FHIT: variants seen among roughly 807,000 people sequenced by gnomAD.
The protein encoded by FHIT is fragile histidine triad diadenosine triphosphatase.
A neutral mutation model predicts 17.9 loss-of-function variants in FHIT; 19 were observed. The observed-to-expected ratio is 1.06, with a 90% CI of 0.74 to 1.56. The LOEUF is 1.56. Among genes scored for constraint, FHIT ranks in the 40% most tolerant of loss-of-function variants. The probability of loss-of-function intolerance (pLI) is 0.00; values close to 1 mark genes in which losing one functional copy is unlikely to be tolerated. For missense variants in FHIT, 248 were observed against 189.2 expected (o/e 1.31, Z -1.82); for synonymous variants, 81 against 69.7 (o/e 1.16, Z -0.81).
intron 3 of FHIT, among the ~76,000 whole-genome samples, chr3:61,026,229 A>G (rs1186260732): frequency 1.3e-5 from 2 of 151,974 alleles, no homozygotes; most frequent in African/African-American, 2.4e-5. Context: ...TCAGCTTTGT[A>G]CTCTCTGTCT....
intron 4 of FHIT, among the ~76,000 whole-genome samples, chr3:60,770,440 T>G (rs946335663): frequency 1.1e-4 from 17 of 152,124 alleles, no homozygotes; most frequent in African/African-American, 3.9e-4. Context: ...ACTCATATCC[T>G]TTGCAGCTAA....
intron 3 of FHIT, among the ~76,000 whole-genome samples, chr3:61,039,104 G>A (rs1322560751): frequency 6.6e-6 from 1 of 152,068 alleles, no homozygotes; most frequent in East Asian, 1.9e-4. Context: ...GATTATATGA[G>A]GAAATAGCAA....
intron 2 of FHIT, among the ~76,000 whole-genome samples, chr3:61,088,201 C>T (rs765291160): frequency 2.6e-5 from 4 of 152,042 alleles, no homozygotes; most frequent in Non-Finnish European, 5.9e-5. Flanking sequence ...GGGGACACTG[C>T]CCAGAAAAGA....
At chr3:61,194,272 C>G (rs2107220210) in intron 2 of FHIT, among the ~76,000 whole-genome samples, 1 of 152,192 alleles carries the variant, frequency 6.6e-6, no homozygotes, top group Admixed American at 6.5e-5. Context: ...GTTTATACGA[C>G]TTGCTTAAGG....
At position 60,014,131 on chromosome 3, in the gene FHIT, C is replaced by T. The variant is rs773769186; in HGVS notation, c.125G>A (p.Arg42Gln). The T allele has an allele frequency of 2.0e-5, 32 of 1,613,888 alleles. No homozygotes were observed. The highest frequency in any genetic ancestry group is 1.6e-4 in the Middle Eastern group (1 of 6,082). ...CAGGTCATGGAAGCGCTCCACTGGC[C>T]GCAGCGGGCACACAAGGACATCTGT... Reference protein sequence around the residue: ...VPGHVLVCPLRPVERFHDLRP... With the variant: ...VPGHVLVCPLQPVERFHDLRP... Residue 42 changes from arginine (R) to glutamine (Q), a missense_variant, in exon 6 of 10, where the codon CGG becomes CAG. By Grantham distance (43) the Arg-to-Gln change is conservative (BLOSUM62 1). Coordinates refer to ENST00000492590, the MANE Select transcript of FHIT (RefSeq NM_002012.4).
At chr3:60,656,846 G>C (rs189342044) in intron 4 of FHIT, among the ~76,000 whole-genome samples, 1 of 152,118 alleles carries the variant, frequency 6.6e-6, no homozygotes, top group Non-Finnish European at 1.5e-5. Flanking sequence ...TTTGCACATT[G>C]ACAAAAATAA....
chr3:60,441,960 G>A, intron 5 of FHIT, among the ~76,000 whole-genome samples: 1 of 149,818 alleles, frequency 6.7e-6, no homozygotes, highest in Non-Finnish European at 1.5e-5. Flanking sequence ...CTGGGCTCAA[G>A]TAATCCTCCT....
chr3:61,058,768 T>C (rs1235648262), intron 2 of FHIT, among the ~76,000 whole-genome samples: 1 of 152,238 alleles, frequency 6.6e-6, no homozygotes, highest in African/African-American at 2.4e-5. Flanking sequence ...AACGGACTAA[T>C]GCAGATGGGT....
chr3:60,058,311 A>T (rs1430421393), intron 5 of FHIT, among the ~76,000 whole-genome samples: 1 of 151,480 alleles, frequency 6.6e-6, no homozygotes, highest in Non-Finnish European at 1.5e-5. Flanking sequence ...TTGTATTTTT[A>T]GTAGAGATGG....
intron 4 of FHIT, among the ~76,000 whole-genome samples, chr3:60,670,121 A>G (rs149824132): frequency 6.6e-6 from 1 of 152,292 alleles, no homozygotes; most frequent in East Asian, 1.9e-4. Flanking sequence ...CTCTCACTCC[A>G]GTAGGGATAA....
intron 4 of FHIT, among the ~76,000 whole-genome samples, chr3:60,613,125 C>T (rs2038836193): frequency 6.6e-6 from 1 of 152,186 alleles, no homozygotes; most frequent in South Asian, 2.1e-4. Flanking sequence ...TTTTTCATCA[C>T]TCTAATGCTT....
chr3:61,083,649 C>G (rs576133272), intron 2 of FHIT, among the ~76,000 whole-genome samples: 21 of 152,164 alleles, frequency 1.4e-4, no homozygotes, highest in Non-Finnish European at 2.4e-4. Context: ...CCTCCCAACA[C>G]CTTCACCCTC....
chr3:60,612,676 GA>G (rs2038822803), intron 4 of FHIT, among the ~76,000 whole-genome samples: 1 of 152,120 alleles, frequency 6.6e-6, no homozygotes, highest in African/African-American at 2.4e-5. Context: ...TAAAAGAAGG[GA>G]TATCATTCAT....
chr3:59,863,918 A>C (rs1358083451), intron 8 of FHIT, among the ~76,000 whole-genome samples: 1 of 152,122 alleles, frequency 6.6e-6, no homozygotes, highest in Non-Finnish European at 1.5e-5. Context: ...CTGAATGAAA[A>C]GTTTGCCCTT....
chr3:60,850,909 T>C (rs1256635388), intron 3 of FHIT, among the ~76,000 whole-genome samples: 2 of 152,130 alleles, frequency 1.3e-5, no homozygotes, highest in African/African-American at 4.8e-5. Flanking sequence ...CACAGCTAAG[T>C]GAATGTCCCC....
intron 5 of FHIT, among the ~76,000 whole-genome samples, chr3:60,186,175 TTA>T (rs1276015999): frequency 1.3e-5 from 2 of 152,204 alleles, no homozygotes; most frequent in Non-Finnish European, 2.9e-5. Context: ...TTTTCATGCA[TTA>T]TGTTTTTGGT....
In FHIT at chr3:61,040,068, T is replaced by A. The variant is rs191869804; in HGVS notation, c.-111+1979A>T. On this transcript the variant is annotated intron_variant, in intron 3 of 9. Transcript: ENST00000492590. ...GAATAATACTGTGGTTTTTCTTGAA[T>A]GAGAAAGGGCATTTGCAAACCTCAA... is the stretch of plus-strand genomic sequence containing the variant. 2.7e-4 allele frequency among the ~76,000 whole-genome samples: 41 copies of A among 152,332 alleles called. 1 individual carries two copies. Among genetic ancestry groups the A allele is most frequent in the Admixed American group, 8.5e-4 (13 of 15,292 alleles).
Position 61,177,980 on chromosome 3 carries a change from A to G in FHIT, c.-164+22637T>C, listed in dbSNP as rs2038210026. Among the ~76,000 whole-genome samples the G allele has an allele frequency of 2.0e-5, 3 of 152,320 alleles. No individual in the cohort carries two copies. The South Asian group carries it at 6.2e-4, about 32-fold the overall frequency. On this transcript the variant is annotated intron_variant, in intron 2 of 9. Transcript: ENST00000492590. ...TAAAAATAAAAATTAAAAATCTATC[A>G]GTGATGCATCCCATTGGTCTGGATG...
chr3:60,547,565 T>A (rs1185373030), intron 4 of FHIT, among the ~76,000 whole-genome samples: 3 of 152,162 alleles, frequency 2.0e-5, no homozygotes, highest in Non-Finnish European at 4.4e-5. Context: ...TAAATGAGTC[T>A]CCATTTCCCA....
Sources: allele counts gnomAD v4.1 joint callset (sites outside exome capture counted in the v4.1 genomes callset), GRCh38; gene constraint gnomAD v4.1.1; transcripts MANE v1.5; gene names NCBI Gene and HGNC (gene_info 2026-07-23, HGNC 2026-07-21).